PPP1R15B: variants seen among roughly 807,000 people sequenced by gnomAD.
PPP1R15B encodes protein phosphatase 1, regulatory (inhibitor) subunit 15B.
A neutral mutation model predicts 53.9 loss-of-function variants in PPP1R15B; 31 were observed. The observed-to-expected ratio is 0.58, with a 90% CI of 0.43 to 0.78. PPP1R15B has a LOEUF of 0.78. Among genes scored for constraint, PPP1R15B ranks in the 30% least tolerant of loss-of-function variants. The pLI, the probability that PPP1R15B is intolerant of heterozygous loss-of-function variation, is 0.00. For synonymous variants in PPP1R15B, 345 were observed against 329.1 expected, an observed-to-expected ratio of 1.05 and a Z score of -0.52; for missense variants, 928 against 849.6, an observed-to-expected ratio of 1.09 and a Z score of -1.15.
downstream of PPP1R15B, among the ~76,000 whole-genome samples, chr1:204,400,089 T>C (rs1199854493): frequency 2.0e-5 from 3 of 151,818 alleles, no homozygotes; most frequent in Non-Finnish European, 2.9e-5. Context: ...CTACAAAAAA[T>C]AGGTGAGCAA....
chr1:204,406,661 A>T (rs1674269503), intron 1 of PPP1R15B, among the ~76,000 whole-genome samples: 1 of 152,044 alleles, frequency 6.6e-6, no homozygotes, highest in Non-Finnish European at 1.5e-5. Flanking sequence ...CTGAGGTAGG[A>T]GAACAGTTTG....
downstream of PPP1R15B, among the ~76,000 whole-genome samples, chr1:204,401,995 GA>G: frequency 6.6e-6 from 1 of 152,230 alleles, no homozygotes; most frequent in South Asian, 2.1e-4. Context: ...AAGTACAAAA[GA>G]AAAATAACAC....
chr1:204,411,322 T>C lies in PPP1R15B; in HGVS notation c.90A>G (p.Gln30=), dbSNP rs781229272. ...FWPPFFPRRS[Q]AGSSKFPTPL... ...GCGTCGGGAACTTAGAAGAGCCTGC[T>C]TGCGATCGCCGAGGGAAAAAGGGTG... The change falls in exon 1 of 2, where the codon CAA becomes CAG. Residue 30 remains glutamine, a synonymous_variant. Transcript: ENST00000367188. 5 of 1,614,182 alleles carry C rather than the reference T, an allele frequency of 3.1e-6. No individual in the cohort carries two copies. Among genetic ancestry groups the C allele is most frequent in the East Asian group, 4.5e-5 (2 of 44,882 alleles).
chr1:204,411,346 T>A lies in PPP1R15B; in HGVS notation c.66A>T (p.Pro22=), dbSNP rs762029226. Residue 22 remains proline, a synonymous_variant, in exon 1 of 2, where the codon CCA becomes CCT. Transcript: ENST00000367188. ...LGPRAGFRFW[P]PFFPRRSQAG... Reference sequence around the variant, plus strand: ...CTTGCGATCGCCGAGGGAAAAAGGGTGGCCAGAACCGGAAGCCCGCCCGAG... The same window carrying A: ...CTTGCGATCGCCGAGGGAAAAAGGGAGGCCAGAACCGGAAGCCCGCCCGAG... 4 of 1,613,752 alleles carry A rather than the reference T, an allele frequency of 2.5e-6. No homozygotes were observed. Among genetic ancestry groups the A allele is most frequent in the African/African-American group, 1.3e-5 (1 of 74,888 alleles).
chr1:204,398,746 G>A (rs1674129831), downstream of PPP1R15B, among the ~76,000 whole-genome samples: 1 of 152,116 alleles, frequency 6.6e-6, no homozygotes, highest in African/African-American at 2.4e-5. Context: ...GGAGACAACA[G>A]AGCATCACTA....
At chr1:204,402,473 T>A (rs1453915189), downstream of PPP1R15B, among the ~76,000 whole-genome samples, 1 of 152,188 alleles carries the variant, frequency 6.6e-6, no homozygotes, top group African/African-American at 2.4e-5. Flanking sequence ...AATGGTGGAA[T>A]CACAGCTCAC....
Position 204,410,029 on chromosome 1 carries a change from G to A in PPP1R15B, c.1383C>T (p.Ser461=), listed in dbSNP as rs751299844. The change falls in exon 1 of 2, where the codon AGC becomes AGT. Residue 461 remains serine (S), a synonymous_variant. Coordinates refer to ENST00000367188, the MANE Select transcript of PPP1R15B (RefSeq NM_032833.5). ...GTTCAAGGTCTGAGTCTGACAGTGA[G>A]CTATCACTATCAAAACCATCATCCT... The part of the protein sequence containing the change: ...EAEDDGFDSD[S]SLSDSDLEQD... 2.5e-6 allele frequency: 4 copies of A among 1,613,788 alleles called. No individual in the cohort carries two copies. The South Asian group carries it at 4.4e-5, about 18-fold the overall frequency.
In PPP1R15B at chr1:204,411,284, T is replaced by A. The variant is rs761893411; in HGVS notation, c.128A>T (p.Glu43Val). Residue 43 changes from glutamate (E) to valine (V), a missense_variant, in exon 1 of 2, where the codon GAA becomes GTA. Transcript: ENST00000367188. ...SSKFPTPLGP[E>V]NSGNPTLLSS... ...AAGCAGTGTGGGGTTCCCGGAGTTT[T>A]CCGGGCCAAGAGGCGTCGGGAACTT... The A allele has an allele frequency of 1.9e-6, 3 of 1,614,084 alleles. No homozygotes were observed. The highest frequency in any genetic ancestry group is 1.3e-5 in the African/African-American group (1 of 74,940).
intron 1 of PPP1R15B, among the ~76,000 whole-genome samples, chr1:204,407,906 C>T (rs1445433243): frequency 1.3e-5 from 2 of 152,130 alleles, no homozygotes; most frequent in Admixed American, 1.3e-4. Flanking sequence ...ATAATTATAT[C>T]ATATTCAGAC....
Position 204,406,069 on chromosome 1 carries a change from A to T in PPP1R15B, c.*23T>A. 1 of 1,613,202 alleles carries T rather than the reference A, an allele frequency of 6.2e-7. No individual in the cohort carries two copies. Among genetic ancestry groups the T allele is most frequent in the Admixed American group, 1.7e-5 (1 of 60,028 alleles). On this transcript the variant is annotated 3_prime_UTR_variant, in exon 2 of 2. Coordinates refer to ENST00000367188, the MANE Select transcript of PPP1R15B (RefSeq NM_032833.5). ...TCTCAGGTAAGAGGTAGTGTATGCT[A>T]GCTAGGACTACAGGCTGCCAACTCA...
chr1:204,402,991 G>C (rs1414016587), downstream of PPP1R15B, among the ~76,000 whole-genome samples: 1 of 152,126 alleles, frequency 6.6e-6, no homozygotes, highest in Non-Finnish European at 1.5e-5. Context: ...AGAATCGCTT[G>C]AAACCGGAAG....
In PPP1R15B at chr1:204,409,855, A is replaced by G; in HGVS notation, c.1557T>C (p.Asp519=). ...DSEKDLSGKS[D]LENSSQSGSL... ...TTCCAGACTGGGAGGAATTCTCTAG[A>G]TCAGACTTGCCAGACAAATCCTTCT... The change falls in exon 1 of 2, where the codon GAT becomes GAC. Residue 519 remains aspartate, a synonymous_variant. Transcript: ENST00000367188. 1 of 1,614,162 alleles carries G rather than the reference A, an allele frequency of 6.2e-7. No individual in the cohort carries two copies. Among genetic ancestry groups the G allele is most frequent in the Admixed American group, 1.7e-5 (1 of 60,020 alleles).
In PPP1R15B at chr1:204,404,906, A is replaced by G. The variant is rs553233861; in HGVS notation, c.*1186T>C. 4.1e-6 allele frequency: 4 copies of G among 985,828 alleles called. No homozygotes were observed. In the South Asian group the frequency reaches 1.9e-4, roughly 46 times the overall value. 61.1% of individuals were successfully genotyped at this position (985,828 alleles called of 1,614,324 possible). ...ATTCAAAGTAACCTTTGGGCTAAAT[A>G]TATTAAAACTTTCCAGTCATTAATC... On this transcript the variant is annotated 3_prime_UTR_variant, in exon 2 of 2. Transcript: ENST00000367188.
At position 204,404,988 on chromosome 1, in the gene PPP1R15B, A is replaced by G; in HGVS notation, c.*1104T>C. 1 of 985,132 alleles carries G rather than the reference A, an allele frequency of 1.0e-6. No homozygotes were observed. Among genetic ancestry groups the G allele is most frequent in the Non-Finnish European group, 1.2e-6 (1 of 829,288 alleles). 61.0% of individuals were successfully genotyped at this position (985,132 alleles called of 1,614,324 possible). On this transcript the variant is annotated 3_prime_UTR_variant, in exon 2 of 2. Coordinates refer to ENST00000367188, the MANE Select transcript of PPP1R15B (RefSeq NM_032833.5). ...CTTGCCATTACTTCTCTCATTATTA[A>G]ATAGTAGGACACAATAAACCTGGAT... is the stretch of plus-strand genomic sequence containing the variant.
chr1:204,401,634 G>A (rs1418798332), downstream of PPP1R15B, among the ~76,000 whole-genome samples: 1 of 152,182 alleles, frequency 6.6e-6, no homozygotes, highest in Non-Finnish European at 1.5e-5. Flanking sequence ...AAGGTACAGA[G>A]AATAGAGTCC....
downstream of PPP1R15B, among the ~76,000 whole-genome samples, chr1:204,399,372 G>A (rs747315924): frequency 5.3e-5 from 8 of 152,096 alleles, no homozygotes; most frequent in Non-Finnish European, 1.0e-4. Flanking sequence ...ACCAGCCTGG[G>A]CAACATGGTG....
In PPP1R15B at chr1:204,405,693, G is replaced by A. The variant is rs1208062168; in HGVS notation, c.*399C>T. 1 of 986,236 alleles carries A rather than the reference G, an allele frequency of 1.0e-6. No homozygotes were observed. 61.1% of individuals were successfully genotyped at this position (986,236 alleles called of 1,614,324 possible). On this transcript the variant is annotated 3_prime_UTR_variant, in exon 2 of 2. Coordinates refer to ENST00000367188, the MANE Select transcript of PPP1R15B (RefSeq NM_032833.5). Reference sequence around the variant, plus strand: ...GGAAAGAAACAAGAAAGAGCCCAAAGTTTTCAGATAGGCACACATAATTTA... The same window carrying A: ...GGAAAGAAACAAGAAAGAGCCCAAAATTTTCAGATAGGCACACATAATTTA...
downstream of PPP1R15B, among the ~76,000 whole-genome samples, chr1:204,399,956 G>A (rs902233591): frequency 6.6e-6 from 1 of 152,016 alleles, no homozygotes; most frequent in Non-Finnish European, 1.5e-5. Flanking sequence ...ATTAAGAAAA[G>A]GAGGTATGGC....
rs1558214401 is a variant in PPP1R15B at position 204,404,235 on chromosome 1, G to A, written c.*1857C>T. ...GGTGCACAAAACACACAGAATCCCAGCACTTTGAGAGGCCGAGGCGGGCGG... is the reference window on the plus strand; with the variant it reads ...GGTGCACAAAACACACAGAATCCCAACACTTTGAGAGGCCGAGGCGGGCGG... On this transcript the variant is annotated 3_prime_UTR_variant, in exon 2 of 2. Coordinates refer to ENST00000367188, the MANE Select transcript of PPP1R15B (RefSeq NM_032833.5). 1 of 985,118 alleles carries A rather than the reference G, an allele frequency of 1.0e-6. No individual in the cohort carries two copies. The highest frequency in any genetic ancestry group is 1.1e-4 in the East Asian group (1 of 8,796). 61.0% of individuals were successfully genotyped at this position (985,118 alleles called of 1,614,324 possible).
Sources: allele counts gnomAD v4.1 joint callset (sites outside exome capture counted in the v4.1 genomes callset), GRCh38; gene constraint gnomAD v4.1.1; transcripts MANE v1.5; gene names NCBI Gene and HGNC (gene_info 2026-07-23, HGNC 2026-07-21).